The following PCNT variants were observed in gnomAD, a reference collection of about 807,000 sequenced individuals.
PCNT encodes the protein kendrin.
PCNT carries 319 observed loss-of-function variants against 380.4 expected under a neutral mutation model. That is an observed-to-expected ratio of 0.84 (90% CI 0.77 to 0.92). The LOEUF is 0.92. Ranked by LOEUF, PCNT falls within the 40% of genes least tolerant of loss-of-function variation. PCNT has a pLI of 0.00. For missense variants in PCNT, 4,400 were observed against 4,255.3 expected, an observed-to-expected ratio of 1.03 and a Z score of -0.95; for synonymous variants, 1,845 against 1,735.2, an observed-to-expected ratio of 1.06 and a Z score of -1.57.
At chr21:46,409,484 C>T (rs1448625844) in intron 27 of PCNT, among the ~76,000 whole-genome samples, 2 of 152,006 alleles carry the variant, frequency 1.3e-5, no homozygotes, top group African/African-American at 4.8e-5. Context: ...CACTGTGCCC[C>T]GCCAGATTAT....
rs201042435 is a variant in PCNT, at chr21:46,398,258, G to A, written c.4584+3G>A. On this transcript the variant is annotated splice_donor_region_variant and intron_variant, in intron 24 of 46. Coordinates refer to ENST00000359568, the MANE Select transcript of PCNT (RefSeq NM_006031.6). ...AGCAGGCGCCGCTGGATGGAGAGGT[G>A]AGGAGGCGTCAACGAGATGGGCACT... is the stretch of plus-strand genomic sequence containing the variant. 2.9e-4 allele frequency: 472 copies of A among 1,604,654 alleles called. 3 individuals carry two copies. Among genetic ancestry groups the A allele is most frequent in the Non-Finnish European group, 1.5e-4 (182 of 1,176,938 alleles).
intron 16 of PCNT, among the ~76,000 whole-genome samples, chr21:46,385,131 G>A (rs1421554224): frequency 6.6e-6 from 1 of 152,188 alleles, no homozygotes; most frequent in Non-Finnish European, 1.5e-5. Context: ...GAGGCAGGAG[G>A]ACCACTCCAG....
In PCNT at chr21:46,388,591, A is replaced by G. The variant is rs1443262292; in HGVS notation, c.3465-151A>G. 9 of 966,424 alleles carry G rather than the reference A, an allele frequency of 9.3e-6. No individual in the cohort carries two copies. Among genetic ancestry groups the G allele is most frequent in the South Asian group, 6.7e-5 (5 of 74,786 alleles). The allele number at this position is 966,424 out of a possible 1,614,324, so 59.9% of individuals were successfully genotyped here. The stretch of plus-strand genomic sequence containing the variant: ...TGTGGCCTCAGCTTCCTGTGCTCAC[A>G]TGGGCATGAGGATCATGTCTTCCGG... On this transcript the variant is annotated intron_variant, in intron 17 of 46. Coordinates refer to ENST00000359568, the MANE Select transcript of PCNT (RefSeq NM_006031.6). This position sits in a 1 kb window ranked among gnomAD's most constrained non-coding sequence, Gnocchi z 4.2.
chr21:46,375,432 T>C (rs1475800465), intron 15 of PCNT, among the ~76,000 whole-genome samples: 1 of 152,230 alleles, frequency 6.6e-6, no homozygotes, highest in Non-Finnish European at 1.5e-5. Context: ...TTAAAACATA[T>C]GTGATATTTT....
intron 41 of PCNT, among the ~76,000 whole-genome samples, 193 bp downstream of exon 41, chr21:46,438,530 G>T (rs547101782): frequency 6.6e-6 from 1 of 152,212 alleles, no homozygotes; most frequent in Admixed American, 6.5e-5. Flanking sequence ...CATCTCAGCC[G>T]ACTTCCAGCT....
rs1353632398 is a variant in PCNT, at chr21:46,425,821, C to CCCGCCT, written c.7180-5_7180-4insTCCGCC. 2 of 1,613,190 alleles carry CCCGCCT rather than the reference C, an allele frequency of 1.2e-6. No homozygotes were observed. The highest frequency in any genetic ancestry group is 2.7e-5 in the African/African-American group (2 of 74,906). On this transcript the variant is annotated splice_polypyrimidine_tract_variant and intron_variant, in intron 32 of 46. Transcript: ENST00000359568. The surrounding 1 kb of genome is among the most constrained non-coding windows in gnomAD (Gnocchi z 4.2). ...AGGCAACTCCCTTCTGACGCGCTTT[C>CCCGCCT]CCGCCACAGGCTTTACTGCAGATGG...
chr21:46,386,064 C>T lies in PCNT; in HGVS notation c.3464+81C>T, dbSNP rs1035278236. 20 of 1,556,378 alleles carry T rather than the reference C, an allele frequency of 1.3e-5. No homozygotes were observed. In the African/African-American group the frequency reaches 2.3e-4, roughly 18 times the overall value. On this transcript the variant is annotated intron_variant, in intron 17 of 46. Coordinates refer to ENST00000359568, the MANE Select transcript of PCNT (RefSeq NM_006031.6). ...ATGCAGATGCCATTGGTCCCCACGG[C>T]TCCTGGCCCCGTGGCTGCTGCCACC...
intron 11 of PCNT, 78 bp downstream of exon 11, chr21:46,354,146 C>G: frequency 2.4e-6 from 3 of 1,273,510 alleles, no homozygotes; most frequent in Non-Finnish European, 3.4e-6. Context: ...CATTATAGAG[C>G]CTGTGTTTCC....
At chr21:46,382,624 G>A (rs181287706) in intron 16 of PCNT, among the ~76,000 whole-genome samples, 1 of 145,164 alleles carries the variant, frequency 6.9e-6, no homozygotes, top group Non-Finnish European at 1.5e-5. Context: ...AGTGGCGGAA[G>A]CGCATTCACG....
chr21:46,390,978 G>A (rs2086011207), intron 20 of PCNT, 146 bp downstream of exon 20: 1 of 1,179,698 alleles, frequency 8.5e-7, no homozygotes, highest in Non-Finnish European at 1.2e-6. Context: ...TGGTTTGGGA[G>A]GAATGGGGTG....
chr21:46,414,183 G>C (rs2086916250), intron 29 of PCNT, among the ~76,000 whole-genome samples: 1 of 152,034 alleles, frequency 6.6e-6, no homozygotes, highest in Admixed American at 6.6e-5. Context: ...GTAGAGACGG[G>C]GTTTCACCAT....
rs1331312902 is a variant in PCNT at position 46,368,748 on chromosome 21, C to T, written c.3165+1609C>T. On this transcript the variant is annotated intron_variant, in intron 15 of 46. Transcript: ENST00000359568. Reference sequence around the variant, plus strand: ...AAGGGGATGCATAGGCCTGGCTGCACGGTGGATGGGGCATGGGCTAGAGCT... The same window carrying T: ...AAGGGGATGCATAGGCCTGGCTGCATGGTGGATGGGGCATGGGCTAGAGCT... 3.3e-5 allele frequency among the ~76,000 whole-genome samples: 5 copies of T among 152,300 alleles called. No individual in the cohort carries two copies. The South Asian group carries it at 6.2e-4, about 19-fold the overall frequency.
chr21:46,432,793 T>G (rs2087824192), intron 38 of PCNT, among the ~76,000 whole-genome samples: 1 of 152,056 alleles, frequency 6.6e-6, no homozygotes, highest in African/African-American at 2.4e-5. Context: ...CCTGGCTAAT[T>G]TTTGGATTAG....
intron 3 of PCNT, among the ~76,000 whole-genome samples, chr21:46,343,679 G>A (rs1392175104): frequency 2.0e-5 from 3 of 152,074 alleles, no homozygotes; most frequent in Non-Finnish European, 2.9e-5. Flanking sequence ...TTTTGGAATA[G>A]TTTCAGTAGG....
chr21:46,416,490 C>A lies in PCNT; in HGVS notation c.6572C>A (p.Ser2191Tyr), dbSNP rs587784315. ...TCAGAATGTCAGGACATGTCTCTTT[C>A]TTCACCGACCAGCGTACTTGGTGGC... ...EKSECQDMSL[S>Y]SPTSVLGGSR... is the part of the protein sequence containing the mutation. The change falls in exon 30 of 47, where the codon TCT (serine) becomes TAT (tyrosine). Residue 2191 changes from serine (S) to tyrosine (Y), a missense_variant. By Grantham distance (144) the Ser-to-Tyr change is moderately radical. Coordinates refer to ENST00000359568, the MANE Select transcript of PCNT (RefSeq NM_006031.6). 4 of 1,614,084 alleles carry A rather than the reference C, an allele frequency of 2.5e-6. No individual in the cohort carries two copies. The highest frequency in any genetic ancestry group is 3.4e-6 in the Non-Finnish European group (4 of 1,180,036).
In PCNT at chr21:46,443,823, A is replaced by G. The variant is rs771723446; in HGVS notation, c.9714A>G (p.Arg3238=). The part of the protein sequence containing the change: ...GKAPRPGPRA[R]QPQSPPRTRE... ...ATTCTGGGGAAGGGCCCCGAGCACG[A>G]CAGCCGCAGTCTCCACCCAGAACCA... The change falls in exon 45 of 47, where the codon CGA becomes CGG. Residue 3238 remains arginine (R), a synonymous_variant. Transcript: ENST00000359568. 5 of 1,613,590 alleles carry G rather than the reference A, an allele frequency of 3.1e-6. No individual in the cohort carries two copies. Among genetic ancestry groups the G allele is most frequent in the Non-Finnish European group, 4.2e-6 (5 of 1,180,022 alleles).
At position 46,430,074 on chromosome 21, in the gene PCNT, G is replaced by A. The variant is rs144026961; in HGVS notation, c.7755G>A (p.Leu2585=). Residue 2585 remains leucine, a synonymous_variant, in exon 36 of 47, where the codon CTG becomes CTA. Transcript: ENST00000359568. ...KCIAGDLQKT[L]SEEQEKANSV... is the part of the protein sequence containing the mutation. ...TTGCTGGTGACTTGCAGAAGACGCT[G>A]AGTGAAGAGCAAGAGAAGGCAAACA... 1.7e-5 allele frequency: 28 copies of A among 1,614,124 alleles called. No homozygotes were observed. The African/African-American group carries it at 2.7e-4, about 15-fold the overall frequency.
intron 2 of PCNT, 137 bp downstream of exon 2, chr21:46,326,726 A>T (rs986787738): frequency 9.9e-7 from 1 of 1,009,364 alleles, no homozygotes; most frequent in Non-Finnish European, 1.5e-6. Flanking sequence ...GTTTATAAAA[A>T]GTGAGGGCCG....
chr21:46,346,827 C>A lies in PCNT; in HGVS notation c.805C>A (p.Leu269Ile). ...GCAGCTGGAGCTGACACAGGCCAAC[C>A]TCCAGAAGGAGAAGGAGACGGCATT... ...TAQLELTQAN[L>I]QKEKETALTE... is the part of the protein sequence containing the mutation. Residue 269 changes from leucine to isoleucine, a missense_variant, in exon 5 of 47, where the codon CTC becomes ATC. By Grantham distance (5) the Leu-to-Ile change is conservative. Coordinates refer to ENST00000359568, the MANE Select transcript of PCNT (RefSeq NM_006031.6). 5 of 1,606,536 alleles carry A rather than the reference C, an allele frequency of 3.1e-6. No homozygotes were observed. The highest frequency in any genetic ancestry group is 4.2e-6 in the Non-Finnish European group (5 of 1,177,182).
Sources: gnomAD v4.1 joint callset for allele counts (sites outside exome capture counted in the v4.1 genomes callset) on GRCh38, gnomAD v4.1.1 for gene constraint, Gnocchi (gnomAD v3.1) non-coding constraint, MANE v1.5 for transcripts, NCBI Gene and HGNC (gene_info 2026-07-23, HGNC 2026-07-21) for gene names.